The following EEPD1 variants were observed in gnomAD, a reference collection of about 807,000 sequenced individuals.
The protein encoded by EEPD1 is endonuclease/exonuclease/phosphatase family domain-containing protein 1.
EEPD1 carries 17 observed loss-of-function variants against 46.3 expected under a neutral mutation model. The observed-to-expected ratio is 0.37, with a 90% CI of 0.25 to 0.55. The LOEUF (loss-of-function observed/expected upper bound fraction) is 0.55, where lower values mean the gene tolerates loss of function less well. Among genes scored for constraint, EEPD1 ranks in the 20% least tolerant of loss-of-function variants. The probability of loss-of-function intolerance (pLI) is 0.83; values close to 1 mark genes in which losing one functional copy is unlikely to be tolerated. For synonymous variants in EEPD1, 313 were observed against 315.6 expected (o/e 0.99, Z 0.09); for missense variants, 673 against 745.6 (o/e 0.90, Z 1.13).
At chr7:36,266,412 C>G (rs1787019634) in intron 3 of EEPD1, among the ~76,000 whole-genome samples, 1 of 151,846 alleles carries the variant, frequency 6.6e-6, no homozygotes, top group South Asian at 2.1e-4. Flanking sequence ...AGGGCACTGA[C>G]CTCCTGTTTC....
chr7:36,272,687 G>A (rs186597273), intron 3 of EEPD1, among the ~76,000 whole-genome samples: 2 of 152,164 alleles, frequency 1.3e-5, no homozygotes, highest in African/African-American at 2.4e-5. Context: ...AGCTGGTGGC[G>A]GGGGCTGAGG....
rs79385197 is a variant in EEPD1 at position 36,253,257 on chromosome 7, A to G, written c.930+14221A>G. Among the ~76,000 whole-genome samples, 1,051 of 152,130 alleles carry G rather than the reference A, an allele frequency of 6.9e-3. 17 individuals carry two copies. The highest frequency in any genetic ancestry group is 0.024 in the African/African-American group (1,002 of 41,508). ...ATTTCCACAAATTTGTGAATTTCTC[A>G]TGTTATTGATTTCTAATTTCATTCC... On this transcript the variant is annotated intron_variant, in intron 3 of 7. Transcript: ENST00000242108.
chr7:36,164,874 T>C (rs1304866193), intron 2 of EEPD1, among the ~76,000 whole-genome samples: 1 of 152,184 alleles, frequency 6.6e-6, no homozygotes, highest in East Asian at 1.9e-4. Context: ...GAAAGAAATA[T>C]ATTTAACAGT....
intron 2 of EEPD1, among the ~76,000 whole-genome samples, chr7:36,182,512 A>G (rs1785287324): frequency 6.6e-6 from 1 of 152,234 alleles, no homozygotes; most frequent in African/African-American, 2.4e-5. Flanking sequence ...GTTAAAAACA[A>G]TATATAAAAT....
chr7:36,238,940 G>A, intron 2 of EEPD1, 45 bp from the exon 3 acceptor site: 1 of 1,581,668 alleles, frequency 6.3e-7, no homozygotes, highest in African/African-American at 1.4e-5. Flanking sequence ...TTGGTGACAT[G>A]AAATGATTTG....
chr7:36,266,395 C>G (rs1246524998), intron 3 of EEPD1, among the ~76,000 whole-genome samples: 1 of 152,080 alleles, frequency 6.6e-6, no homozygotes, highest in Non-Finnish European at 1.5e-5. Context: ...GGCAGCCTCC[C>G]CAGGGCAGGG....
chr7:36,155,347 G>A (rs568936724), intron 2 of EEPD1, 145 bp downstream of exon 2: 25 of 1,005,196 alleles, frequency 2.5e-5, no homozygotes, highest in Middle Eastern at 3.3e-4. Flanking sequence ...AGCCAATACC[G>A]TCACCTGAGA....
At chr7:36,250,697 T>G (rs1786722748) in intron 3 of EEPD1, among the ~76,000 whole-genome samples, 2 of 152,174 alleles carry the variant, frequency 1.3e-5, no homozygotes, top group African/African-American at 4.8e-5. Flanking sequence ...GGTGCTTGGC[T>G]ATTGACCCCT....
intron 2 of EEPD1, among the ~76,000 whole-genome samples, chr7:36,190,088 A>G (rs1336792040): frequency 6.6e-6 from 1 of 152,208 alleles, no homozygotes; most frequent in African/African-American, 2.4e-5. Context: ...ACACATAGTG[A>G]AGGCTGGGTG....
At chr7:36,207,821 G>C (rs1712424184) in intron 2 of EEPD1, among the ~76,000 whole-genome samples, 1 of 151,536 alleles carries the variant, frequency 6.6e-6, no homozygotes, top group Admixed American at 6.6e-5. Flanking sequence ...TAGAAGAAGA[G>C]TCACCATTTC....
intron 2 of EEPD1, among the ~76,000 whole-genome samples, chr7:36,208,988 C>T (rs1442738368): frequency 5.9e-5 from 9 of 152,196 alleles, no homozygotes; most frequent in Admixed American, 2.0e-4. Context: ...AGAGGTAGAG[C>T]GCAGACCTGG....
intron 2 of EEPD1, among the ~76,000 whole-genome samples, chr7:36,201,336 G>A (rs888041893): frequency 1.3e-5 from 2 of 152,166 alleles, no homozygotes; most frequent in African/African-American, 2.4e-5. Flanking sequence ...TTAGGTTCCT[G>A]ATTTTGATAA....
At chr7:36,260,358 A>G (rs1786902175) in intron 3 of EEPD1, among the ~76,000 whole-genome samples, 1 of 152,218 alleles carries the variant, frequency 6.6e-6, no homozygotes, top group Admixed American at 6.5e-5. Context: ...CAGCGCTTTG[A>G]ATATACCACT....
chr7:36,281,985 T>A (rs973183416), intron 4 of EEPD1, among the ~76,000 whole-genome samples: 10 of 152,252 alleles, frequency 6.6e-5, no homozygotes, highest in Non-Finnish European at 1.2e-4. Flanking sequence ...AAATCATAAA[T>A]GTATACTGGA....
chr7:36,255,573 A>G (rs1324478816), intron 3 of EEPD1, among the ~76,000 whole-genome samples: 1 of 152,210 alleles, frequency 6.6e-6, no homozygotes, highest in African/African-American at 2.4e-5. Flanking sequence ...GTATGTGTCC[A>G]GGAATTTATC....
chr7:36,177,827 C>T (rs1785208133), intron 2 of EEPD1, among the ~76,000 whole-genome samples: 1 of 152,156 alleles, frequency 6.6e-6, no homozygotes, highest in Admixed American at 6.5e-5. Context: ...AATTCTCCTG[C>T]CTCAACCTCC....
At chr7:36,190,044 A>G (rs969980564) in intron 2 of EEPD1, among the ~76,000 whole-genome samples, 1 of 151,870 alleles carries the variant, frequency 6.6e-6, no homozygotes, top group Non-Finnish European at 1.5e-5. Context: ...AAAGCGTGGA[A>G]GTTTCCTTTT....
At position 36,154,393 on chromosome 7, in the gene EEPD1, G is replaced by A; in HGVS notation, c.69G>A (p.Lys23=). 1.2e-6 allele frequency: 2 copies of A among 1,614,082 alleles called. No individual in the cohort carries two copies. The highest frequency in any genetic ancestry group is 1.7e-6 in the Non-Finnish European group (2 of 1,180,056). ...RDPSDLSHSR[K]FSAACNFSNI... The stretch of plus-strand genomic sequence containing the variant: ...CCTCGGACCTGTCCCATAGCCGCAA[G>A]TTCAGCGCAGCCTGTAACTTCAGCA... The change falls in exon 2 of 8, where the codon AAG becomes AAA. Residue 23 remains lysine, a synonymous_variant. Transcript: ENST00000242108. The surrounding 1 kb of genome is among the most constrained non-coding windows in gnomAD (Gnocchi z 4.2).
intron 3 of EEPD1, among the ~76,000 whole-genome samples, chr7:36,268,002 C>T (rs1435708372): frequency 1.3e-5 from 2 of 152,208 alleles, no homozygotes; most frequent in African/African-American, 4.8e-5. Context: ...TCGCTGGAAC[C>T]TTGGTCTTGG....
Sources: gnomAD v4.1 joint callset for allele counts (sites outside exome capture counted in the v4.1 genomes callset) on GRCh38, gnomAD v4.1.1 for gene constraint, Gnocchi (gnomAD v3.1) non-coding constraint, MANE v1.5 for transcripts, NCBI Gene and HGNC (gene_info 2026-07-23, HGNC 2026-07-21) for gene names.